TMEM101: variants seen among roughly 807,000 people sequenced by gnomAD.
The protein encoded by TMEM101 is putative NF-kappa-B-activating protein 130.
Under a neutral mutation model 26.0 loss-of-function variants are expected in TMEM101, and 14 were observed. The ratio of observed to expected loss-of-function variants is 0.54; its 90% CI spans 0.36 to 0.84. The LOEUF (loss-of-function observed/expected upper bound fraction) is 0.84. Ranked by LOEUF, TMEM101 falls within the 40% of genes least tolerant of loss-of-function variation. The pLI, the probability that TMEM101 is intolerant of heterozygous loss-of-function variation, is 0.01. For missense variants in TMEM101, 292 were observed against 345.1 expected (o/e 0.85, Z 1.22); for synonymous variants, 152 against 145.1 (o/e 1.05, Z -0.34).
chr17:44,014,767 C>T lies in TMEM101; in HGVS notation c.137+49G>A, dbSNP rs1449996043. 5.2e-6 allele frequency: 8 copies of T among 1,524,016 alleles called. No individual in the cohort carries two copies. The South Asian group carries it at 1.0e-4, about 19-fold the overall frequency. 94.4% of individuals were successfully genotyped at this position (1,524,016 alleles called of 1,614,324 possible). The stretch of plus-strand genomic sequence containing the variant: ...CGACTTCTAGCCCCCAATTTCTTGC[C>T]CACATCACCGCCCCCTGCCGCGTTT... On this transcript the variant is annotated intron_variant, in intron 1 of 3. Coordinates refer to ENST00000206380, the MANE Select transcript of TMEM101 (RefSeq NM_032376.4).
chr17:44,012,298 A>G, intron 3 of TMEM101, 62 bp from the exon 4 acceptor site: 1 of 1,494,320 alleles, frequency 6.7e-7, no homozygotes, highest in East Asian at 2.3e-5. Context: ...GGGGTAAACC[A>G]CCCCTGAGAT....
intron 3 of TMEM101, 100 bp downstream of exon 3, chr17:44,012,909 C>A: frequency 7.5e-7 from 1 of 1,331,576 alleles, no homozygotes; most frequent in Non-Finnish European, 1.0e-6. Context: ...GAACTGCACT[C>A]AGGGCCTCGT....
rs1315871346 is a variant in TMEM101 at position 44,014,910 on chromosome 17, T to A, written c.43A>T (p.Ile15Phe). The A allele has an allele frequency of 1.9e-6, 3 of 1,613,970 alleles. No homozygotes were observed. In the East Asian group the frequency reaches 6.7e-5, roughly 36 times the overall value. The change falls in exon 1 of 4, where the codon ATC becomes TTC. Residue 15 changes from isoleucine (I) to phenylalanine (F), a missense_variant. Physicochemically the swap from Ile to Phe is conservative, Grantham distance 21 (BLOSUM62 0). Coordinates refer to ENST00000206380, the MANE Select transcript of TMEM101 (RefSeq NM_032376.4). ...IGSRRWMLQL[I>F]MQLGSVLLTR... ...AGCAGCACCGAACCCAACTGCATGA[T>A]CAGCTGCAACATCCACCGTCTCGAA... is the stretch of plus-strand genomic sequence containing the variant.
upstream of TMEM101, among the ~76,000 whole-genome samples, chr17:44,017,994 G>A (rs887151581): frequency 6.6e-5 from 10 of 151,804 alleles, no homozygotes; most frequent in African/African-American, 1.5e-4. Flanking sequence ...GCATGGTGGC[G>A]GGAGCCTGTG....
upstream of TMEM101, among the ~76,000 whole-genome samples, chr17:44,017,757 CTT>C (rs1222578992): frequency 7.5e-5 from 10 of 132,586 alleles, no homozygotes; most frequent in Middle Eastern, 4.0e-3. Flanking sequence ...GAGCGAAACT[CTT>C]GTCTCAAAAA....
intron 2 of TMEM101, chr17:44,021,217 T>A (rs2049281690): frequency 6.6e-6 from 1 of 152,186 alleles, no homozygotes; most frequent in South Asian, 2.1e-4. Context: ...CACTAACAAT[T>A]GAGCAACCTG....
At position 44,014,902 on chromosome 17, in the gene TMEM101, C is replaced by G. The variant is rs2049210803; in HGVS notation, c.51G>C (p.Gln17His). Residue 17 changes from glutamine to histidine, a missense_variant, in exon 1 of 4, where the codon CAG becomes CAC. Physicochemically the swap from Gln to His is conservative, Grantham distance 24. Transcript: ENST00000206380. The part of the protein sequence containing the change: ...SRRWMLQLIM[Q>H]LGSVLLTRCP... ...AGCGTGTGAGCAGCACCGAACCCAA[C>G]TGCATGATCAGCTGCAACATCCACC... The G allele has an allele frequency of 3.1e-6, 5 of 1,614,092 alleles. No individual in the cohort carries two copies. Among genetic ancestry groups the G allele is most frequent in the Non-Finnish European group, 2.5e-6 (3 of 1,179,970 alleles).
chr17:44,012,359 C>A, intron 3 of TMEM101, 123 bp from the exon 4 acceptor site: 1 of 910,638 alleles, frequency 1.1e-6, no homozygotes, highest in Non-Finnish European at 1.6e-6. Flanking sequence ...CCCTCTTGGA[C>A]TGGGGAACCT....
At chr17:44,020,056 GA>G (rs1427273472) in intron 2 of TMEM101, among the ~76,000 whole-genome samples, 6 of 152,302 alleles carry the variant, frequency 3.9e-5, no homozygotes, top group South Asian at 4.1e-4. Flanking sequence ...CATGTAAGCT[GA>G]ATGTTTGAAT....
At chr17:44,017,452 G>A (rs898987229), upstream of TMEM101, among the ~76,000 whole-genome samples, 105 of 150,262 alleles carry the variant, frequency 7.0e-4, no homozygotes, top group African/African-American at 2.4e-3. Context: ...AAATTAGCCA[G>A]GAGTGGTGGC....
chr17:44,018,961 C>T, upstream of TMEM101, among the ~76,000 whole-genome samples: 1 of 152,152 alleles, frequency 6.6e-6, no homozygotes, highest in East Asian at 1.9e-4. Flanking sequence ...TGCTATCAGG[C>T]CAGAAGAGGG....
chr17:44,017,235 GTTGGATCACCTGAGGT>G (rs1242579473), upstream of TMEM101, among the ~76,000 whole-genome samples: 2 of 151,976 alleles, frequency 1.3e-5, no homozygotes, highest in African/African-American at 4.8e-5. Flanking sequence ...CAAGTGGGGG[GTTGGATCACCTGAGGT>G]TAGGGGTTCG....
intron 1 of TMEM101, chr17:44,021,559 C>T (rs1597875185): frequency 6.6e-6 from 1 of 152,210 alleles, no homozygotes; most frequent in Non-Finnish European, 1.5e-5. Flanking sequence ...CCCAATTAAC[C>T]ATTTGTTTCG....
intron 2 of TMEM101, among the ~76,000 whole-genome samples, chr17:44,013,518 G>A (rs975189799): frequency 1.3e-5 from 2 of 152,158 alleles, no homozygotes; most frequent in Non-Finnish European, 2.9e-5. Context: ...AATTAGTCGG[G>A]CGTGGGGAAG....
At chr17:44,012,634 T>C (rs1597869477) in intron 3 of TMEM101, 1 of 406,132 alleles carries the variant, frequency 2.5e-6, no homozygotes, top group Admixed American at 3.9e-5. Flanking sequence ...GTGGCTACCC[T>C]AGAGCTCTCA....
At position 44,012,017 on chromosome 17, in the gene TMEM101, G is replaced by A. The variant is rs373505021; in HGVS notation, c.685C>T (p.Arg229Trp). 2.0e-5 allele frequency: 33 copies of A among 1,614,032 alleles called. No homozygotes were observed. Among genetic ancestry groups the A allele is most frequent in the Middle Eastern group, 1.6e-4 (1 of 6,084 alleles). ...ATCTGGTTCCAGAACTCAACACGCC[G>A]CGTGTTGTGCCAGTAAGCAACATTG... Reference protein sequence around the residue: ...DGNVAYWHNTRRVEFWNQMKL... With the variant: ...DGNVAYWHNTWRVEFWNQMKL... The change falls in exon 4 of 4, where the codon CGG becomes TGG. Residue 229 changes from arginine to tryptophan, a missense_variant. Arg to Trp is a moderately radical substitution (Grantham distance 101). This residue lies in a region of TMEM101 where 149 missense variants were observed against 211.9 expected (regional missense o/e 0.70). Transcript: ENST00000206380.
At position 44,020,709 on chromosome 17, in the gene TMEM101, G is replaced by C. The variant is rs1205560922; in HGVS notation, c.-210+613C>G. The stretch of plus-strand genomic sequence containing the variant: ...TGCACTCCAGCCTGGGCGACAGAGA[G>C]ACACTCTGGCTCAAAAAATCAAAAC... On this transcript the variant is annotated intron_variant, in intron 2 of 4. Coordinates refer to the TMEM101 transcript ENST00000585950. 2.6e-5 allele frequency among the ~76,000 whole-genome samples: 4 copies of C among 152,176 alleles called. No homozygotes were observed. The East Asian group carries it at 5.8e-4, about 22-fold the overall frequency.
chr17:44,017,793 A>C (rs1171649791), upstream of TMEM101, among the ~76,000 whole-genome samples: 1 of 151,296 alleles, frequency 6.6e-6, no homozygotes, highest in East Asian at 1.9e-4. Context: ...CCAACCAGCC[A>C]GTGAAAGGTG....
intron 2 of TMEM101, among the ~76,000 whole-genome samples, chr17:44,021,087 C>T (rs2049280234): frequency 1.3e-5 from 2 of 152,180 alleles, no homozygotes. Context: ...ATCTGATGGA[C>T]ACTGTACCCA....
Sources: gnomAD v4.1 joint callset for allele counts (sites outside exome capture counted in the v4.1 genomes callset) on GRCh38, gnomAD v4.1.1 for gene constraint, gnomAD v4.1.1 regional missense constraint, MANE v1.5 for transcripts, NCBI Gene and HGNC (gene_info 2026-07-23, HGNC 2026-07-21) for gene names.